PXK: variants seen among roughly 807,000 people sequenced by gnomAD.
PXK encodes the protein PX domain containing serine/threonine kinase like, also known as PX domain-containing protein kinase-like protein.
Under a neutral mutation model 84.7 loss-of-function variants are expected in PXK, and 35 were observed. The ratio of observed to expected loss-of-function variants is 0.41; its 90% confidence interval spans 0.32 to 0.55. The LOEUF is 0.55. Ranked by LOEUF, PXK falls within the 20% of genes least tolerant of loss-of-function variation. The pLI, the probability that PXK is intolerant of heterozygous loss-of-function variation, is 0.21. For synonymous variants in PXK, 253 were observed against 260.8 expected, an observed-to-expected ratio of 0.97 and a Z score of 0.29; for missense variants, 634 against 699.7, an observed-to-expected ratio of 0.91 and a Z score of 1.06.
intron 1 of PXK, among the ~76,000 whole-genome samples, chr3:58,349,483 G>C (rs13067940): frequency 0.072 from 10,927 of 151,732 alleles, 501 homozygotes; most frequent in Middle Eastern, 0.088. Context: ...AGCCTCCTGA[G>C]TAGCTGGGAT....
chr3:58,395,034 A>G lies in PXK; in HGVS notation c.652A>G (p.Asn218Asp). The stretch of plus-strand genomic sequence containing the variant: ...CTATCGGGTTACCTTTGCCACAGCT[A>G]ATGAATCCTCAGCGTTGCTAATTAG... ...YIYRVTFATA[N>D]ESSALLIRMF... The change falls in exon 8 of 18, where the codon AAT becomes GAT. Residue 218 changes from asparagine (N) to aspartate (D), a missense_variant. Coordinates refer to ENST00000356151, the MANE Select transcript of PXK (RefSeq NM_017771.5). 1.2e-6 allele frequency: 2 copies of G among 1,613,718 alleles called. No homozygotes were observed. Among genetic ancestry groups the G allele is most frequent in the Non-Finnish European group, 1.7e-6 (2 of 1,179,632 alleles).
intron 1 of PXK, among the ~76,000 whole-genome samples, chr3:58,344,888 T>C (rs922172161): frequency 6.6e-6 from 1 of 152,178 alleles, no homozygotes; most frequent in Admixed American, 6.5e-5. Flanking sequence ...AGCCATGAGC[T>C]CCCGGAGGCC....
chr3:58,410,436 T>C (rs12629939), intron 16 of PXK, among the ~76,000 whole-genome samples: 36,349 of 152,162 alleles, frequency 0.24, 6,059 homozygotes, highest in East Asian at 0.8. Flanking sequence ...GCATTAGTCA[T>C]GGAAGGAAAA....
At chr3:58,381,746 A>G (rs1410153179) in intron 3 of PXK, among the ~76,000 whole-genome samples, 2 of 152,122 alleles carry the variant, frequency 1.3e-5, no homozygotes, top group Non-Finnish European at 2.9e-5. Context: ...AGAGAACTTA[A>G]TCCTCATCTT....
Position 58,333,579 on chromosome 3 carries a change from G to C in PXK, c.102+489G>C. ...AGTGTGACTCCAGAGCCTACTTGTT[G>C]GGACAGCAGAGTGTAAGTGGCTGGG... is the stretch of plus-strand genomic sequence containing the variant. On this transcript the variant is annotated intron_variant, in intron 1 of 17. Coordinates refer to ENST00000356151, the MANE Select transcript of PXK (RefSeq NM_017771.5). The surrounding 1 kb of genome is among the most constrained non-coding windows in gnomAD (Gnocchi z 5.4). 1 of 456,758 alleles carries C rather than the reference G, an allele frequency of 2.2e-6. No individual in the cohort carries two copies. Among genetic ancestry groups the C allele is most frequent in the Non-Finnish European group, 4.4e-6 (1 of 226,974 alleles). 28.3% of individuals were successfully genotyped at this position (456,758 alleles called of 1,614,324 possible).
chr3:58,371,954 A>T (rs2098379232), intron 3 of PXK, among the ~76,000 whole-genome samples: 1 of 152,194 alleles, frequency 6.6e-6, no homozygotes, highest in Non-Finnish European at 1.5e-5. Flanking sequence ...CCTCAGAATA[A>T]AACTGTGACC....
chr3:58,339,218 G>T lies in PXK; in HGVS notation c.102+6128G>T, dbSNP rs571014906. ...TTGTTGTTGTTGGGTTTTGTGGGGG[G>T]TTTTTTTTTGTTTTTTTTTGTTTTT... is the stretch of plus-strand genomic sequence containing the variant. On this transcript the variant is annotated intron_variant, in intron 1 of 17. Transcript: ENST00000356151. Among the ~76,000 whole-genome samples, 1,134 of 113,682 alleles carry T rather than the reference G, an allele frequency of 1.0e-2. 10 individuals carry two copies. The highest frequency in any genetic ancestry group is 0.03 in the South Asian group (112 of 3,762). The allele number at this position is 113,682 out of a possible 152,430, so 74.6% of individuals were successfully genotyped here.
Position 58,416,686 on chromosome 3 carries a change from T to C in PXK, c.1528+3723T>C, listed in dbSNP as rs1466239844. ...CCCAGGCTGGAATACAGTCGTGAGA[T>C]CTCGGCTCACTGCAACTTCCGCCTC... On this transcript the variant is annotated intron_variant, in intron 17 of 17. Transcript: ENST00000356151. This position sits in a 1 kb window ranked among gnomAD's most constrained non-coding sequence, Gnocchi z 4.8. Among the ~76,000 whole-genome samples the C allele has an allele frequency of 6.6e-6, 1 of 151,272 alleles. No individual in the cohort carries two copies. The highest frequency in any genetic ancestry group is 2.4e-5 in the African/African-American group (1 of 41,054).
chr3:58,360,831 G>GAA (rs762223630), intron 1 of PXK, among the ~76,000 whole-genome samples: 4 of 109,718 alleles, frequency 3.6e-5, no homozygotes, highest in Admixed American at 9.4e-5. Flanking sequence ...GACCCCGACT[G>GAA]AAAAAAAAAA....
intron 3 of PXK, among the ~76,000 whole-genome samples, chr3:58,378,505 TTTTTTTTTGTGTGTGTGTGTG>T (rs1245291836): frequency 2.4e-5 from 2 of 81,746 alleles, no homozygotes; most frequent in African/African-American, 9.0e-5. Flanking sequence ...TTTTTTTTTT[TTTTTTTTTGTGTGTGTGTGTG>T]TGTGTGTGTG....
intron 17 of PXK, chr3:58,420,558 G>A (rs1022803545): frequency 2.0e-6 from 3 of 1,535,796 alleles, no homozygotes; most frequent in Non-Finnish European, 2.6e-6. Context: ...CATTTTGAAC[G>A]TGAATTTTCG....
intron 1 of PXK, among the ~76,000 whole-genome samples, chr3:58,356,999 G>T (rs1476065990): frequency 6.6e-6 from 1 of 151,434 alleles, no homozygotes; most frequent in African/African-American, 2.4e-5. Context: ...GAAAACTTCA[G>T]GCTGGGCGCG....
At chr3:58,375,269 G>A (rs1229012858) in intron 3 of PXK, among the ~76,000 whole-genome samples, 1 of 152,124 alleles carries the variant, frequency 6.6e-6, no homozygotes, top group Non-Finnish European at 1.5e-5. Context: ...TCGATACTGG[G>A]TAATGGTATT....
At chr3:58,378,506 T>TG (rs1217085532) in intron 3 of PXK, among the ~76,000 whole-genome samples, 5 of 66,482 alleles carry the variant, frequency 7.5e-5, no homozygotes, top group South Asian at 7.2e-4. Context: ...TTTTTTTTTT[T>TG]TTTTTTTGTG....
At chr3:58,402,497 T>A (rs1370954315) in intron 12 of PXK, among the ~76,000 whole-genome samples, 1 of 151,530 alleles carries the variant, frequency 6.6e-6, no homozygotes. Flanking sequence ...TGGTGTGATC[T>A]TGGCTCACTG....
At position 58,382,716 on chromosome 3, in the gene PXK, T is replaced by C; in HGVS notation, c.388+16T>C. ...AACTATACTGGTAAGCGAAGGAATC[T>C]GTGAATTATGGTCACATGGCTAAAG... On this transcript the variant is annotated intron_variant, in intron 4 of 17. Transcript: ENST00000356151. 1 of 1,503,872 alleles carries C rather than the reference T, an allele frequency of 6.6e-7. No individual in the cohort carries two copies. The highest frequency in any genetic ancestry group is 1.3e-5 in the South Asian group (1 of 74,136). 93.2% of individuals were successfully genotyped at this position (1,503,872 alleles called of 1,614,324 possible).
Position 58,412,488 on chromosome 3 carries a change from C to T in PXK, c.1466-413C>T, listed in dbSNP as rs13066351. 0.062 allele frequency among the ~76,000 whole-genome samples: 9,496 copies of T among 152,188 alleles called. 431 individuals carry two copies. Among genetic ancestry groups the T allele is most frequent in the South Asian group, 0.1 (493 of 4,828 alleles). On this transcript the variant is annotated intron_variant, in intron 16 of 17. Transcript: ENST00000356151. This position sits in a 1 kb window ranked among gnomAD's most constrained non-coding sequence, Gnocchi z 6.2. Reference sequence around the variant, plus strand: ...GTTACTGGGTGGATGCTGTACGGGGCACTCCCTTCCTTTGGAAGCCCCCAG... The same window carrying T: ...GTTACTGGGTGGATGCTGTACGGGGTACTCCCTTCCTTTGGAAGCCCCCAG...
rs535583915 is a variant in PXK at position 58,350,605 on chromosome 3, A to G, written c.103-15269A>G. On this transcript the variant is annotated intron_variant, in intron 1 of 17. Transcript: ENST00000356151. ...GGGGTGGAGTCTATTCTCATCACAT[A>G]CTAGTGGTGCGCCCTTGTTTAAGGC... Among the ~76,000 whole-genome samples the G allele has an allele frequency of 7.2e-5, 11 of 152,238 alleles. No individual in the cohort carries two copies. In the South Asian group the frequency reaches 2.3e-3, roughly 32 times the overall value.
rs772351042 is a variant in PXK, at chr3:58,397,698, C to T, written c.1078C>T (p.Pro360Ser). Residue 360 changes from proline (P) to serine (S), a missense_variant, in exon 11 of 18, where the codon CCT becomes TCT. Transcript: ENST00000356151. The surrounding 1 kb of genome is among the most constrained non-coding windows in gnomAD (Gnocchi z 4.7). ...AGACTCGGTGCCTGTGGACTCCTTC[C>T]CTCCTGCCCCGTCCATGGCTGTGGG... ...PPDSVPVDSF[P>S]PAPSMAVVAV... 3 of 1,613,810 alleles carry T rather than the reference C, an allele frequency of 1.9e-6. No homozygotes were observed. Among genetic ancestry groups the T allele is most frequent in the South Asian group, 1.1e-5 (1 of 91,066 alleles).
Sources: allele counts gnomAD v4.1 joint callset (sites outside exome capture counted in the v4.1 genomes callset), GRCh38; gene constraint gnomAD v4.1.1; non-coding constraint Gnocchi (gnomAD v3.1); transcripts MANE v1.5; gene names NCBI Gene and HGNC (gene_info 2026-07-23, HGNC 2026-07-21).